The following ZNF627 variants were observed in gnomAD, a reference collection of about 807,000 sequenced individuals.
ZNF627 encodes the protein zinc finger protein 627.
Under a neutral mutation model 10.6 loss-of-function variants are expected in ZNF627, and 12 were observed. The ratio of observed to expected loss-of-function variants is 1.13; its 90% CI spans 0.73 to 1.84. ZNF627 has a LOEUF of 1.84. Ranked by LOEUF, ZNF627 falls within the 40% of genes most tolerant of loss-of-function variation. ZNF627 has a pLI of 0.00. For missense variants in ZNF627, 504 were observed against 568.4 expected, an observed-to-expected ratio of 0.89 and a Z score of 1.15; for synonymous variants, 176 against 187.1, an observed-to-expected ratio of 0.94 and a Z score of 0.48.
intron 1 of ZNF627, among the ~76,000 whole-genome samples, chr19:11,597,945 C>T (rs1348092012): frequency 6.6e-6 from 1 of 152,240 alleles, no homozygotes; most frequent in Non-Finnish European, 1.5e-5. Context: ...CCCCCACAGT[C>T]CCGCCTTTCT....
intron 1 of ZNF627, among the ~76,000 whole-genome samples, chr19:11,614,079 G>C (rs1973825042): frequency 6.6e-6 from 1 of 152,008 alleles, no homozygotes; most frequent in Non-Finnish European, 1.5e-5. Context: ...CCACCACCGT[G>C]CCTGGCTAAT....
At chr19:11,603,242 A>G (rs1973617588) in intron 1 of ZNF627, among the ~76,000 whole-genome samples, 1 of 150,868 alleles carries the variant, frequency 6.6e-6, no homozygotes, top group African/African-American at 2.4e-5. Flanking sequence ...GTCTGTTAAC[A>G]ATCCTAACTG....
At position 11,614,903 on chromosome 19, in the gene ZNF627, A is replaced by G; in HGVS notation, c.191+16A>G. The G allele has an allele frequency of 6.3e-7, 1 of 1,585,334 alleles. No homozygotes were observed. Among genetic ancestry groups the G allele is most frequent in the Non-Finnish European group, 8.6e-7 (1 of 1,166,084 alleles). ...GAAATATAAGGTAATTTGCACTCAC[A>G]AAAGAAAGTTCTGTTCCTTGAGAGC... On this transcript the variant is annotated intron_variant, in intron 3 of 3. Transcript: ENST00000361113.
At chr19:11,610,495 T>C (rs1216047084) in intron 1 of ZNF627, among the ~76,000 whole-genome samples, 1 of 152,070 alleles carries the variant, frequency 6.6e-6, no homozygotes, top group Non-Finnish European at 1.5e-5. Flanking sequence ...CCAGTTACTA[T>C]GGAGGCTGAG....
chr19:11,598,555 GA>G (rs1973531959), intron 1 of ZNF627, among the ~76,000 whole-genome samples: 1 of 152,172 alleles, frequency 6.6e-6, no homozygotes, highest in Admixed American at 6.5e-5. Context: ...TCCCCAGGGG[GA>G]CAGGGTCCCA....
rs1312667522 is a variant in ZNF627, at chr19:11,618,157, A to G, written c.*268A>G. 1 of 388,508 alleles carries G rather than the reference A, an allele frequency of 2.6e-6. No individual in the cohort carries two copies. Among genetic ancestry groups the G allele is most frequent in the Non-Finnish European group, 4.6e-6 (1 of 219,624 alleles). 24.1% of individuals were successfully genotyped at this position (388,508 alleles called of 1,614,324 possible). On this transcript the variant is annotated 3_prime_UTR_variant, in exon 4 of 4. Transcript: ENST00000361113. ...CATTTGTGATTCCATGATACAATTC[A>G]CCAGTAACCTATCTTACATGAGATT...
chr19:11,617,288 G>A lies in ZNF627; in HGVS notation c.785G>A (p.Cys262Tyr). The A allele has an allele frequency of 1.2e-6, 2 of 1,613,972 alleles. No homozygotes were observed. Among genetic ancestry groups the A allele is most frequent in the Non-Finnish European group, 1.7e-6 (2 of 1,180,026 alleles). The change falls in exon 4 of 4, where the codon TGT becomes TAT. Residue 262 changes from cysteine (C) to tyrosine (Y), a missense_variant. Coordinates refer to ENST00000361113, the MANE Select transcript of ZNF627 (RefSeq NM_145295.4). ...AAGCAGTGTGGGAAAGCTTTCAGTT[G>A]TTCCAAGTACATTCGAATCCATGAA... is the stretch of plus-strand genomic sequence containing the variant. The part of the protein sequence containing the change: ...ECKQCGKAFS[C>Y]SKYIRIHERT...
chr19:11,608,595 G>A (rs767939707), intron 1 of ZNF627, among the ~76,000 whole-genome samples: 7 of 152,110 alleles, frequency 4.6e-5, no homozygotes, highest in Non-Finnish European at 8.8e-5. Context: ...CTAATGATTC[G>A]TGGTGTTGAG....
intron 1 of ZNF627, among the ~76,000 whole-genome samples, chr19:11,603,641 G>A (rs1420724689): frequency 3.3e-5 from 5 of 151,796 alleles, no homozygotes. Flanking sequence ...TATATTGTAT[G>A]CCATCTGTCT....
In ZNF627 at chr19:11,617,261, G is replaced by A. The variant is rs769765277; in HGVS notation, c.758G>A (p.Cys253Tyr). The A allele has an allele frequency of 6.2e-7, 1 of 1,613,888 alleles. No individual in the cohort carries two copies. The highest frequency in any genetic ancestry group is 1.1e-5 in the South Asian group (1 of 91,080). The change falls in exon 4 of 4, where the codon TGC (cysteine) becomes TAC (tyrosine). Residue 253 changes from cysteine (C) to tyrosine (Y), a missense_variant. Coordinates refer to ENST00000361113, the MANE Select transcript of ZNF627 (RefSeq NM_145295.4). ...RTHTGDKPYE[C>Y]KQCGKAFSCS... ...CACACTGGAGATAAACCCTATGAAT[G>A]CAAGCAGTGTGGGAAAGCTTTCAGT...
intron 1 of ZNF627, among the ~76,000 whole-genome samples, chr19:11,601,413 C>T (rs899884590): frequency 6.6e-6 from 1 of 152,076 alleles, no homozygotes; most frequent in South Asian, 2.1e-4. Context: ...GATCATAGCT[C>T]ACTGTAGCCT....
chr19:11,598,655 A>C (rs1335630257), intron 1 of ZNF627, among the ~76,000 whole-genome samples: 2 of 152,218 alleles, frequency 1.3e-5, no homozygotes, highest in African/African-American at 4.8e-5. Flanking sequence ...CCCAAAAGGT[A>C]ACTCCAGTCA....
At chr19:11,613,856 A>G (rs1568443410) in intron 1 of ZNF627, among the ~76,000 whole-genome samples, 1 of 151,824 alleles carries the variant, frequency 6.6e-6, no homozygotes, top group African/African-American at 2.4e-5. Flanking sequence ...AAGCATTTCT[A>G]AAGATACACA....
chr19:11,613,012 A>G (rs1973799583), intron 1 of ZNF627, among the ~76,000 whole-genome samples: 1 of 146,114 alleles, frequency 6.8e-6, no homozygotes, highest in Admixed American at 7.1e-5. Flanking sequence ...TTTTCCAATA[A>G]TGAATCTGGG....
At chr19:11,603,492 G>A (rs936894280) in intron 1 of ZNF627, among the ~76,000 whole-genome samples, 1 of 151,138 alleles carries the variant, frequency 6.6e-6, no homozygotes, top group African/African-American at 2.4e-5. Context: ...TTGCCATGCT[G>A]TCTAAGCTGG....
chr19:11,617,055 A>G lies in ZNF627; in HGVS notation c.552A>G (p.Arg184=), dbSNP rs935108455. 4.3e-6 allele frequency: 7 copies of G among 1,613,994 alleles called. No individual in the cohort carries two copies. The African/African-American group carries it at 9.3e-5, about 22-fold the overall frequency. ...TTATTTCTCTTGTAAGCATTCGAAG[A>G]CACATGTTAACGCATAGGGGAGGTG... ...ETFISLVSIR[R]HMLTHRGGVP... is the part of the protein sequence containing the mutation. Residue 184 remains arginine (R), a synonymous_variant, in exon 4 of 4, where the codon AGA becomes AGG. Coordinates refer to ENST00000361113, the MANE Select transcript of ZNF627 (RefSeq NM_145295.4).
rs553289038 is a variant in ZNF627 at position 11,597,771 on chromosome 19, C to G, written c.3+141C>G. ...GAGTTCCCTCGGCCGCAAGGTGGGG[C>G]TGGGCCAGGAGCTGGGACCCCGGTC... On this transcript the variant is annotated intron_variant, in intron 1 of 3. Coordinates refer to ENST00000361113, the MANE Select transcript of ZNF627 (RefSeq NM_145295.4). 19 of 933,536 alleles carry G rather than the reference C, an allele frequency of 2.0e-5. No homozygotes were observed. In the South Asian group the frequency reaches 7.4e-4, roughly 36 times the overall value. 57.8% of individuals were successfully genotyped at this position (933,536 alleles called of 1,614,324 possible).
At chr19:11,613,369 C>A (rs1330889436) in intron 1 of ZNF627, among the ~76,000 whole-genome samples, 1 of 149,360 alleles carries the variant, frequency 6.7e-6, no homozygotes. Context: ...ACTACTCTTA[C>A]CCTCTTCCTG....
intron 1 of ZNF627, among the ~76,000 whole-genome samples, chr19:11,602,201 C>G (rs1599653781): frequency 1.3e-5 from 2 of 151,778 alleles, no homozygotes; most frequent in Non-Finnish European, 2.9e-5. Context: ...TATATAGGCT[C>G]AGGCTGGGGG....
Sources: gnomAD v4.1 joint callset for allele counts (sites outside exome capture counted in the v4.1 genomes callset) on GRCh38, gnomAD v4.1.1 for gene constraint, MANE v1.5 for transcripts, NCBI Gene and HGNC (gene_info 2026-07-23, HGNC 2026-07-21) for gene names.